Variants in STXBP5L observed in about 807,000 individuals in gnomAD.
The protein encoded by STXBP5L is syntaxin-binding protein 5-like.
STXBP5L carries 65 observed loss-of-function variants against 144.5 expected under a neutral mutation model. The observed-to-expected ratio is 0.45, with a 90% CI of 0.37 to 0.55. STXBP5L has a LOEUF of 0.55. Ranked by LOEUF, STXBP5L falls within the 20% of genes least tolerant of loss-of-function variation. STXBP5L has a pLI of 0.00. For synonymous variants in STXBP5L, 505 were observed against 469.6 expected, an observed-to-expected ratio of 1.08 and a Z score of -0.97; for missense variants, 1,298 against 1,405.5, an observed-to-expected ratio of 0.92 and a Z score of 1.22.
chr3:121,041,646 C>T (rs182334870), intron 3 of STXBP5L, 54 bp from the exon 4 acceptor site: 569 of 1,296,200 alleles, frequency 4.4e-4, no homozygotes, highest in Admixed American at 2.0e-3. Flanking sequence ...TTTCTTTGCT[C>T]ATTAATATTG....
chr3:121,170,174 T>C (rs1390983364), intron 9 of STXBP5L, among the ~76,000 whole-genome samples: 1 of 152,080 alleles, frequency 6.6e-6, no homozygotes, highest in Non-Finnish European at 1.5e-5. Flanking sequence ...CATAGCAGAA[T>C]CTCTGGGACA....
chr3:121,108,743 C>T (rs1285004130), intron 5 of STXBP5L, among the ~76,000 whole-genome samples: 1 of 151,836 alleles, frequency 6.6e-6, no homozygotes, highest in Non-Finnish European at 1.5e-5. Context: ...GATTGATGCA[C>T]TAGTCCTTCC....
In STXBP5L at chr3:121,157,463, CT is replaced by C. The variant is rs35484792; in HGVS notation, c.754-35del. 18 of 1,532,840 alleles carry C rather than the reference CT, an allele frequency of 1.2e-5. No homozygotes were observed. The Admixed American group carries it at 1.5e-4, about 12-fold the overall frequency. The allele number at this position is 1,532,840 out of a possible 1,614,324, so 95.0% of individuals were successfully genotyped here. A position where few individuals can be genotyped will look rare whatever the true frequency, so the allele number is the denominator to read the frequency against. On this transcript the variant is annotated intron_variant, in intron 8 of 26. Transcript: ENST00000471454. ...AATATAGAATGATATAACCTATCTA[CT>C]TTTTTCCCCCTCTACTTGTTTTAAT... is the stretch of plus-strand genomic sequence containing the variant.
chr3:120,974,642 C>A (rs1047487132), intron 3 of STXBP5L, among the ~76,000 whole-genome samples: 2 of 152,116 alleles, frequency 1.3e-5, no homozygotes, highest in Non-Finnish European at 2.9e-5. Flanking sequence ...AATGTTAATG[C>A]GTAGGTTTTC....
chr3:121,232,416 A>G (rs573529244), intron 11 of STXBP5L, among the ~76,000 whole-genome samples: 1 of 152,300 alleles, frequency 6.6e-6, no homozygotes. Context: ...AAAGAGGAAA[A>G]AAAATGTGTT....
Position 121,027,533 on chromosome 3 carries a change from C to G in STXBP5L, c.288-14167C>G, listed in dbSNP as rs1024033371. 4.6e-5 allele frequency among the ~76,000 whole-genome samples: 7 copies of G among 152,048 alleles called. No individual in the cohort carries two copies. The Admixed American group carries it at 4.6e-4, about 10-fold the overall frequency. ...TCCTTCCTTTTTCAGCTTCTAAAGGCTGCCTTTGTTCTTTGGCTCTTGGCC... is the reference window on the plus strand; with the variant it reads ...TCCTTCCTTTTTCAGCTTCTAAAGGGTGCCTTTGTTCTTTGGCTCTTGGCC... On this transcript the variant is annotated intron_variant, in intron 3 of 26. Coordinates refer to ENST00000471454, the MANE Select transcript of STXBP5L (RefSeq NM_001308330.2).
chr3:121,094,809 T>G (rs1227184975), intron 5 of STXBP5L, among the ~76,000 whole-genome samples: 2 of 152,088 alleles, frequency 1.3e-5, no homozygotes, highest in African/African-American at 2.4e-5. Context: ...ATTTGAACCT[T>G]TCATTATGAT....
intron 22 of STXBP5L, among the ~76,000 whole-genome samples, chr3:121,402,351 AG>A (rs1261146764): frequency 6.6e-6 from 1 of 152,200 alleles, no homozygotes; most frequent in Non-Finnish European, 1.5e-5. Flanking sequence ...GTAAGGGAAA[AG>A]GAAAGCAAAT....
chr3:121,335,161 C>A (rs941158737), intron 20 of STXBP5L, among the ~76,000 whole-genome samples: 1 of 152,118 alleles, frequency 6.6e-6, no homozygotes, highest in Non-Finnish European at 1.5e-5. Context: ...TATACACCAA[C>A]AATAGCCAAA....
intron 19 of STXBP5L, among the ~76,000 whole-genome samples, chr3:121,290,041 A>G (rs1023849819): frequency 3.3e-5 from 5 of 152,206 alleles, no homozygotes; most frequent in Non-Finnish European, 7.3e-5. Context: ...AGAAAAAAAG[A>G]AAGAACAAAG....
chr3:121,121,891 C>A (rs900983609), intron 7 of STXBP5L, among the ~76,000 whole-genome samples, 187 bp downstream of exon 7: 1 of 150,914 alleles, frequency 6.6e-6, no homozygotes, highest in Non-Finnish European at 1.5e-5. Context: ...CTGATGGTCC[C>A]AAATTAAGTC....
At chr3:121,050,997 C>T (rs1360167881) in intron 5 of STXBP5L, among the ~76,000 whole-genome samples, 1 of 152,178 alleles carries the variant, frequency 6.6e-6, no homozygotes, top group Non-Finnish European at 1.5e-5. Flanking sequence ...AAGGCCATTA[C>T]ATAATGGTAA....
chr3:121,362,387 C>T (rs997636462), intron 20 of STXBP5L, among the ~76,000 whole-genome samples: 1 of 152,190 alleles, frequency 6.6e-6, no homozygotes, highest in Non-Finnish European at 1.5e-5. Context: ...GCAAGGCCCC[C>T]TAGGTCCTGG....
intron 5 of STXBP5L, among the ~76,000 whole-genome samples, chr3:121,071,603 C>A (rs193244816): frequency 6.6e-6 from 1 of 152,124 alleles, no homozygotes; most frequent in African/African-American, 2.4e-5. Flanking sequence ...AACAGCTGTG[C>A]GGATAGACAA....
intron 7 of STXBP5L, among the ~76,000 whole-genome samples, chr3:121,141,985 TA>T (rs1363511732): frequency 2.0e-5 from 3 of 151,806 alleles, no homozygotes; most frequent in African/African-American, 4.8e-5. Flanking sequence ...AAATAAAAAA[TA>T]AAAAACAAGA....
chr3:121,388,193 CTGTT>C (rs1159589004), intron 22 of STXBP5L, among the ~76,000 whole-genome samples: 4 of 117,140 alleles, frequency 3.4e-5, no homozygotes, highest in Non-Finnish European at 7.9e-5. Flanking sequence ...ATTTGGCTCT[CTGTT>C]TGTCTGTTAT....
At chr3:121,282,389 G>C (rs985117399) in intron 19 of STXBP5L, 17 of 1,547,726 alleles carry the variant, frequency 1.1e-5, no homozygotes, top group Non-Finnish European at 1.5e-5. Context: ...TAATGCTTGA[G>C]TTAAATCCAT....
rs139586031 is a variant in STXBP5L, at chr3:121,045,698, G to A, written c.470+163G>A. ...GTGTTTTCTTTTTTGTAGAAAATGC[G>A]TAATTGATATAGATCCAGTCACCTA... On this transcript the variant is annotated intron_variant, in intron 5 of 26. Transcript: ENST00000471454. Among the ~76,000 whole-genome samples the A allele has an allele frequency of 4.4e-3, 675 of 152,100 alleles. 6 individuals carry two copies. Among genetic ancestry groups the A allele is most frequent in the African/African-American group, 0.015 (618 of 41,520 alleles).
At chr3:121,230,986 G>A (rs192248241) in intron 11 of STXBP5L, among the ~76,000 whole-genome samples, 1 of 152,190 alleles carries the variant, frequency 6.6e-6, no homozygotes, top group Admixed American at 6.5e-5. Flanking sequence ...ATTACCTAAG[G>A]TTCCTAGATC....
Sources: allele counts gnomAD v4.1 joint callset (sites outside exome capture counted in the v4.1 genomes callset), GRCh38; gene constraint gnomAD v4.1.1; transcripts MANE v1.5; gene names NCBI Gene and HGNC (gene_info 2026-07-23, HGNC 2026-07-21).